Variants in KIF26B observed in about 807,000 individuals in gnomAD.
The protein encoded by KIF26B is kinesin-like protein KIF26B.
KIF26B carries 63 observed loss-of-function variants against 151.2 expected under a neutral mutation model. The ratio of observed to expected loss-of-function variants is 0.42; its 90% CI spans 0.34 to 0.51. KIF26B has a LOEUF of 0.51. KIF26B is among the 20% of genes least tolerant of loss of function. The probability of loss-of-function intolerance (pLI) is 0.07; values close to 1 mark genes in which losing one functional copy is unlikely to be tolerated. For synonymous variants in KIF26B, 1,357 were observed against 1,262.1 expected, an observed-to-expected ratio of 1.08 and a Z score of -1.59; for missense variants, 2,813 against 2,913.6, an observed-to-expected ratio of 0.97 and a Z score of 0.79.
rs749315674 is a variant in KIF26B at position 245,156,308 on chromosome 1, G to A, written c.90G>A (p.Lys30=). The change falls in exon 2 of 15, where the codon AAG becomes AAA. Residue 30 remains lysine, a synonymous_variant. Transcript: ENST00000407071. The stretch of plus-strand genomic sequence containing the variant: ...TGAATGAAGTCTGCTCGCCCACCAA[G>A]CCCGCAGCGCCCTTCTCCCCGGAAA... ...YGVNEVCSPT[K]PAAPFSPESW... 4 of 1,547,414 alleles carry A rather than the reference G, an allele frequency of 2.6e-6. No homozygotes were observed. The South Asian group carries it at 4.8e-5, about 18-fold the overall frequency.
At chr1:245,323,210 G>T (rs1671921220) in intron 2 of KIF26B, among the ~76,000 whole-genome samples, 1 of 152,174 alleles carries the variant, frequency 6.6e-6, no homozygotes, top group Non-Finnish European at 1.5e-5. Context: ...GTAGATATGT[G>T]TGGTTGTGAC....
At chr1:245,632,352 G>C (rs1361739937) in intron 9 of KIF26B, among the ~76,000 whole-genome samples, 1 of 152,060 alleles carries the variant, frequency 6.6e-6, no homozygotes, top group Admixed American at 6.5e-5. Context: ...TCTTGTTATT[G>C]ATTTCGTTTT....
At chr1:245,329,087 C>T (rs189004594) in intron 2 of KIF26B, among the ~76,000 whole-genome samples, 5 of 152,312 alleles carry the variant, frequency 3.3e-5, no homozygotes, top group Admixed American at 1.3e-4. Flanking sequence ...TTCACAGGCT[C>T]GCAAAGAGGT....
chr1:245,322,232 A>G (rs1310842302), intron 2 of KIF26B, among the ~76,000 whole-genome samples: 1 of 151,976 alleles, frequency 6.6e-6, no homozygotes, highest in Non-Finnish European at 1.5e-5. Flanking sequence ...GGGATGGGGG[A>G]TAAGGGGAGG....
intron 3 of KIF26B, among the ~76,000 whole-genome samples, chr1:245,370,080 G>GAA (rs1673075834): frequency 1.3e-5 from 2 of 152,076 alleles, no homozygotes. Flanking sequence ...AAATACATGA[G>GAA]GAAGTTTAAA....
intron 4 of KIF26B, among the ~76,000 whole-genome samples, chr1:245,430,687 A>T (rs113770278): frequency 0.085 from 12,926 of 152,036 alleles, 593 homozygotes; most frequent in Admixed American, 0.12. Flanking sequence ...AAATAATCAT[A>T]ATAGCCTACA....
At chr1:245,592,686 A>G (rs1178578034) in intron 5 of KIF26B, among the ~76,000 whole-genome samples, 1 of 150,950 alleles carries the variant, frequency 6.6e-6, no homozygotes, top group Non-Finnish European at 1.5e-5. Context: ...GCATGGAATC[A>G]TATGGCTTTG....
intron 2 of KIF26B, among the ~76,000 whole-genome samples, chr1:245,176,942 C>T (rs1448805745): frequency 6.6e-6 from 1 of 152,110 alleles, no homozygotes; most frequent in Non-Finnish European, 1.5e-5. Flanking sequence ...TATGGCCATT[C>T]CCTTTATTTT....
At chr1:245,325,860 G>C (rs146278810) in intron 2 of KIF26B, among the ~76,000 whole-genome samples, 1 of 152,170 alleles carries the variant, frequency 6.6e-6, no homozygotes, top group African/African-American at 2.4e-5. Context: ...TGTTTGTGAC[G>C]TAGGTTTTCT....
chr1:245,388,381 A>G (rs1034226135), intron 3 of KIF26B, among the ~76,000 whole-genome samples: 1 of 152,182 alleles, frequency 6.6e-6, no homozygotes, highest in African/African-American at 2.4e-5. Context: ...CACTTGCAGG[A>G]TGCACTTTTA....
intron 1 of KIF26B, among the ~76,000 whole-genome samples, chr1:245,155,717 C>A (rs1668417767): frequency 6.6e-6 from 1 of 152,252 alleles, no homozygotes; most frequent in South Asian, 2.1e-4. Flanking sequence ...TTTCCACGCA[C>A]CCGTAACTTT....
intron 9 of KIF26B, among the ~76,000 whole-genome samples, chr1:245,633,293 TTAAA>T (rs201085025): frequency 0.013 from 1,921 of 151,938 alleles, 37 homozygotes; most frequent in African/African-American, 0.043. Context: ...TTTTTTTTTT[TTAAA>T]TAAATCCATT....
At chr1:245,347,153 G>A (rs1672472352) in intron 2 of KIF26B, among the ~76,000 whole-genome samples, 1 of 152,056 alleles carries the variant, frequency 6.6e-6, no homozygotes. Flanking sequence ...AGCACCCTCT[G>A]GCAGAGCGTT....
chr1:245,504,920 T>C (rs1360611648), intron 4 of KIF26B, among the ~76,000 whole-genome samples: 7 of 152,190 alleles, frequency 4.6e-5, no homozygotes, highest in Non-Finnish European at 1.0e-4. Context: ...TGGTTTGTAG[T>C]TGGAAAATTA....
intron 6 of KIF26B, 83 bp from the exon 7 acceptor site, chr1:245,607,568 G>A: frequency 8.9e-7 from 1 of 1,122,524 alleles, no homozygotes; most frequent in Non-Finnish European, 1.3e-6. Context: ...CGAAGCCCCA[G>A]GAAGGTGGGC....
chr1:245,440,535 G>C (rs1659053782), intron 4 of KIF26B, among the ~76,000 whole-genome samples: 1 of 152,162 alleles, frequency 6.6e-6, no homozygotes, highest in Admixed American at 6.5e-5. Context: ...ACAGATGGCA[G>C]GCTGCTTGCA....
In KIF26B at chr1:245,619,011, C is replaced by T. The variant is rs1434229561; in HGVS notation, c.2098+7035C>T. The stretch of plus-strand genomic sequence containing the variant: ...TCCAAGCCCTATTAGACTATAGGTT[C>T]CTTGAGACAGAGTGCCACAGTGCTG... On this transcript the variant is annotated intron_variant, in intron 9 of 14. Coordinates refer to ENST00000407071, the MANE Select transcript of KIF26B (RefSeq NM_018012.4). Among the ~76,000 whole-genome samples, 3 of 143,130 alleles carry T rather than the reference C, an allele frequency of 2.1e-5. No homozygotes were observed. The Admixed American group carries it at 2.1e-4, about 10-fold the overall frequency. The allele number at this position is 143,130 out of a possible 152,430, so 93.9% of individuals were successfully genotyped here. A position where few individuals can be genotyped will look rare whatever the true frequency, so the allele number is the denominator to read the frequency against.
chr1:245,436,389 G>A (rs1225482537), intron 4 of KIF26B, among the ~76,000 whole-genome samples: 1 of 152,152 alleles, frequency 6.6e-6, no homozygotes, highest in African/African-American at 2.4e-5. Flanking sequence ...CAGTGGAAAG[G>A]AGAGTTTGAA....
At chr1:245,650,352 A>C (rs1166709951) in intron 10 of KIF26B, among the ~76,000 whole-genome samples, 1 of 152,262 alleles carries the variant, frequency 6.6e-6, no homozygotes, top group African/African-American at 2.4e-5. Flanking sequence ...AGAAGCGTTG[A>C]AATGACTTCT....
Sources: gnomAD v4.1 joint callset for allele counts (sites outside exome capture counted in the v4.1 genomes callset) on GRCh38, gnomAD v4.1.1 for gene constraint, MANE v1.5 for transcripts, NCBI Gene and HGNC (gene_info 2026-07-23, HGNC 2026-07-21) for gene names.